Variants in R3HDM2 observed in about 807,000 individuals in gnomAD.
R3HDM2 encodes R3H domain-containing protein 2.
In R3HDM2, 38 loss-of-function variants were observed where a neutral mutation model predicts 124.5. The observed-to-expected ratio is 0.31, with a 90% CI of 0.24 to 0.40. The LOEUF (loss-of-function observed/expected upper bound fraction) is 0.40, where lower values mean the gene tolerates loss of function less well. Ranked by LOEUF, R3HDM2 falls within the 10% of genes least tolerant of loss-of-function variation. R3HDM2 has a pLI of 1.00. For synonymous variants in R3HDM2, 391 were observed against 448.0 expected, an observed-to-expected ratio of 0.87 and a Z score of 1.61; for missense variants, 869 against 1,236.9, an observed-to-expected ratio of 0.70 and a Z score of 4.46.
At chr12:57,332,410 C>A (rs1475756244) in intron 2 of R3HDM2, among the ~76,000 whole-genome samples, 130 of 60,672 alleles carry the variant, frequency 2.1e-3, no homozygotes, top group East Asian at 0.01. Context: ...GACCCTGTCT[C>A]AAAAAAAAAA....
At chr12:57,383,162 AT>A (rs1192641246) in intron 2 of R3HDM2, among the ~76,000 whole-genome samples, 5 of 151,788 alleles carry the variant, frequency 3.3e-5, no homozygotes, top group Non-Finnish European at 1.5e-5. Flanking sequence ...GCCAAAAAAA[AT>A]TTTTTTATTA....
chr12:57,354,986 G>C (rs950676002), intron 2 of R3HDM2, among the ~76,000 whole-genome samples: 25 of 151,792 alleles, frequency 1.6e-4, no homozygotes, highest in African/African-American at 5.8e-4. Flanking sequence ...CACCATGCCA[G>C]GCTAGTTTTG....
At chr12:57,267,782 C>T (rs1015009065) in intron 18 of R3HDM2, among the ~76,000 whole-genome samples, 1 of 152,070 alleles carries the variant, frequency 6.6e-6, no homozygotes, top group South Asian at 2.1e-4. Context: ...TTTTTAACAG[C>T]CCTAGCTGGA....
chr12:57,344,077 A>G (rs1593617393), intron 2 of R3HDM2, among the ~76,000 whole-genome samples: 1 of 152,202 alleles, frequency 6.6e-6, no homozygotes, highest in Non-Finnish European at 1.5e-5. Flanking sequence ...GTGCATGCAT[A>G]TATGTGCATA....
chr12:57,411,091 C>T (rs1436163127), intron 1 of R3HDM2, among the ~76,000 whole-genome samples: 1 of 152,176 alleles, frequency 6.6e-6, no homozygotes, highest in African/African-American at 2.4e-5. Flanking sequence ...ATAAGGCACA[C>T]AACTAATAAG....
At chr12:57,329,618 A>G (rs962039596) in intron 2 of R3HDM2, among the ~76,000 whole-genome samples, 1 of 152,354 alleles carries the variant, frequency 6.6e-6, no homozygotes, top group East Asian at 1.9e-4. Context: ...TTTTTCTCTT[A>G]TGAGTAACAT....
At chr12:57,361,071 A>AG (rs2061899451) in intron 2 of R3HDM2, among the ~76,000 whole-genome samples, 1 of 142,932 alleles carries the variant, frequency 7.0e-6, no homozygotes, top group Non-Finnish European at 1.5e-5. Context: ...AAAAAAAAAA[A>AG]GCAAAGCAAA....
intron 1 of R3HDM2, among the ~76,000 whole-genome samples, chr12:57,427,216 G>A (rs938563742): frequency 2.9e-4 from 44 of 151,838 alleles, no homozygotes; most frequent in Admixed American, 2.3e-3. Flanking sequence ...ACTTGAACCC[G>A]GGAGGTGGAG....
intron 2 of R3HDM2, among the ~76,000 whole-genome samples, chr12:57,338,816 T>C (rs114579825): frequency 0.055 from 8,408 of 151,900 alleles, 653 homozygotes; most frequent in African/African-American, 0.18. Context: ...TTTTTTTTTT[T>C]CAAAGGGAGA....
chr12:57,401,271 G>A (rs894096936), intron 1 of R3HDM2, among the ~76,000 whole-genome samples: 1 of 151,892 alleles, frequency 6.6e-6, no homozygotes, highest in African/African-American at 2.4e-5. Flanking sequence ...CAGCATGAAT[G>A]ACACTGCGAC....
At chr12:57,360,187 C>A (rs1215797167) in intron 2 of R3HDM2, among the ~76,000 whole-genome samples, 1 of 151,300 alleles carries the variant, frequency 6.6e-6, no homozygotes, top group African/African-American at 2.4e-5. Flanking sequence ...CGCCACCATG[C>A]CTGGCTAATT....
intron 7 of R3HDM2, 117 bp downstream of exon 7, chr12:57,297,973 G>T: frequency 1.4e-6 from 1 of 735,848 alleles, no homozygotes; most frequent in Non-Finnish European, 2.5e-6. Flanking sequence ...ATACTAGGGG[G>T]ACAGGAAGAT....
At chr12:57,268,241 G>T in intron 18 of R3HDM2, 62 bp downstream of exon 18, 1 of 1,552,540 alleles carries the variant, frequency 6.4e-7, no homozygotes. Context: ...ACAAAACCAT[G>T]ATGCAACTGT....
At chr12:57,303,139 A>G in intron 4 of R3HDM2, 37 bp downstream of exon 4, 1 of 1,465,120 alleles carries the variant, frequency 6.8e-7, no homozygotes, top group Middle Eastern at 1.7e-4. Context: ...TGTATTACTA[A>G]TAACATTAGA....
chr12:57,328,471 T>C (rs1410003989), intron 2 of R3HDM2, among the ~76,000 whole-genome samples: 1 of 152,144 alleles, frequency 6.6e-6, no homozygotes, highest in East Asian at 1.9e-4. Flanking sequence ...CCAGCCAAAA[T>C]ATATGACTTG....
At position 57,384,083 on chromosome 12, in the gene R3HDM2, C is replaced by T. The variant is rs1382726464; in HGVS notation, c.-36+11666G>A. ...CAAATAGAAAAGTATGGAAACAGGC[C>T]GGGCGCAGTGGCTCAAGCCTGTAAT... On this transcript the variant is annotated intron_variant, in intron 2 of 23. Transcript: ENST00000402412. 3.3e-5 allele frequency among the ~76,000 whole-genome samples: 5 copies of T among 151,946 alleles called. No homozygotes were observed. In the South Asian group the frequency reaches 8.3e-4, roughly 25 times the overall value.
chr12:57,364,770 T>C (rs1160103188), intron 2 of R3HDM2, among the ~76,000 whole-genome samples: 3 of 149,112 alleles, frequency 2.0e-5, no homozygotes, highest in Non-Finnish European at 4.4e-5. Flanking sequence ...CTGGCCAACA[T>C]AGTGAAACCC....
chr12:57,384,119 C>T (rs953955152), intron 2 of R3HDM2, among the ~76,000 whole-genome samples: 3 of 152,004 alleles, frequency 2.0e-5, no homozygotes, highest in Non-Finnish European at 4.4e-5. Flanking sequence ...CCCAGCACTT[C>T]GGGAGGTCGA....
At chr12:57,268,510 T>C in intron 17 of R3HDM2, 53 bp from the exon 18 acceptor site, 5 of 1,577,854 alleles carry the variant, frequency 3.2e-6, no homozygotes, top group Admixed American at 3.4e-5. Context: ...ATTGAGCTCA[T>C]GCAGAAACAG....
Sources: gnomAD v4.1 joint callset for allele counts (sites outside exome capture counted in the v4.1 genomes callset) on GRCh38, gnomAD v4.1.1 for gene constraint, MANE v1.5 for transcripts, NCBI Gene and HGNC (gene_info 2026-07-23, HGNC 2026-07-21) for gene names.